SPACA7: variants seen among roughly 807,000 people sequenced by gnomAD.
SPACA7 encodes sperm acrosome associated 7, also known as sperm acrosome-associated protein 7.
Under a neutral mutation model 26.3 loss-of-function variants are expected in SPACA7, and 19 were observed. The observed-to-expected ratio is 0.72, with a 90% CI of 0.50 to 1.06. SPACA7 has a LOEUF of 1.06. Ranked by LOEUF, SPACA7 falls within the 50% of genes least tolerant of loss-of-function variation. SPACA7 has a pLI of 0.00. For missense variants in SPACA7, 211 were observed against 229.9 expected (o/e 0.92, Z 0.53); for synonymous variants, 84 against 84.5 (o/e 0.99, Z 0.04).
At chr13:112,423,658 T>C (rs1370657643) in intron 5 of SPACA7, among the ~76,000 whole-genome samples, 2 of 152,204 alleles carry the variant, frequency 1.3e-5, no homozygotes, top group African/African-American at 4.8e-5. Context: ...GGAATGATTA[T>C]CAAGGCTATC....
chr13:112,414,388 C>CTTTTTTTTTTTT lies in SPACA7; in HGVS notation c.445+13253_445+13264dup, dbSNP rs869183760. Among the ~76,000 whole-genome samples, 24 of 31,396 alleles carry CTTTTTTTTTTTT rather than the reference C, an allele frequency of 7.6e-4. 11 individuals are homozygous for CTTTTTTTTTTTT. The highest frequency in any genetic ancestry group is 9.9e-4 in the Non-Finnish European group (17 of 17,230). 20.6% of individuals were successfully genotyped at this position (31,396 alleles called of 152,430 possible). On this transcript the variant is annotated intron_variant, in intron 5 of 6. Transcript: ENST00000283550. ...AAGTTTCTGAATGGCTTTTCTGTGT[C>CTTTTTTTTTTTT]TTTTTTTTTTTTTTTTTTTTTTTTT...
intron 5 of SPACA7, among the ~76,000 whole-genome samples, chr13:112,422,465 A>G (rs1297186061): frequency 6.6e-6 from 1 of 152,238 alleles, no homozygotes; most frequent in Non-Finnish European, 1.5e-5. Context: ...ATAGAACACA[A>G]TCCACCCAGC....
chr13:112,417,577 C>T (rs983486790), intron 5 of SPACA7, among the ~76,000 whole-genome samples: 2 of 152,096 alleles, frequency 1.3e-5, no homozygotes, highest in Non-Finnish European at 2.9e-5. Flanking sequence ...AAGGAGCCTA[C>T]TCCTTATTTT....
At chr13:112,433,058 T>C (rs1877333183) in intron 6 of SPACA7, among the ~76,000 whole-genome samples, 1 of 152,106 alleles carries the variant, frequency 6.6e-6, no homozygotes, top group South Asian at 2.1e-4. Flanking sequence ...TCCTAGGAGC[T>C]TTCCAGAACA....
Position 112,432,429 on chromosome 13 carries a change from T to G in SPACA7, c.446-15T>G. ...TTACAAAGAGTGATCATTGTACTTATTGTTTTCCCCACAGAAAAGAATTCA... is the reference window on the plus strand; with the variant it reads ...TTACAAAGAGTGATCATTGTACTTAGTGTTTTCCCCACAGAAAAGAATTCA... On this transcript the variant is annotated splice_polypyrimidine_tract_variant and intron_variant, in intron 5 of 6. Coordinates refer to ENST00000283550, the MANE Select transcript of SPACA7 (RefSeq NM_145248.5). 2 of 1,584,164 alleles carry G rather than the reference T, an allele frequency of 1.3e-6. No individual in the cohort carries two copies. Among genetic ancestry groups the G allele is most frequent in the South Asian group, 2.2e-5 (2 of 90,426 alleles).
rs1005531937 is a variant in SPACA7, at chr13:112,433,596, G to A, written c.524-889G>A. The stretch of plus-strand genomic sequence containing the variant: ...CCAGCTCGTCCTTTGTTAAAATGCC[G>A]AAGAGGACGGTCCCGGGAAACGTCG... On this transcript the variant is annotated intron_variant, in intron 6 of 6. Coordinates refer to ENST00000283550, the MANE Select transcript of SPACA7 (RefSeq NM_145248.5). Among the ~76,000 whole-genome samples, 6 of 150,922 alleles carry A rather than the reference G, an allele frequency of 4.0e-5. No homozygotes were observed. The East Asian group carries it at 7.8e-4, about 20-fold the overall frequency.
At chr13:112,383,194 A>G (rs11617546) in intron 1 of SPACA7, among the ~76,000 whole-genome samples, 2 of 136,906 alleles carry the variant, frequency 1.5e-5, no homozygotes, top group African/African-American at 3.0e-5. Context: ...AGAAAGAAAG[A>G]AAAGAAAGAA....
rs533563832 is a variant in SPACA7, at chr13:112,432,215, C to T, written c.446-229C>T. Among the ~76,000 whole-genome samples, 5 of 152,324 alleles carry T rather than the reference C, an allele frequency of 3.3e-5. No homozygotes were observed. The South Asian group carries it at 6.2e-4, about 19-fold the overall frequency. ...GAAAGCACAAAGATGTAGGACTCCA[C>T]GCATTGCTTCGGCACCAAGCCACAC... On this transcript the variant is annotated intron_variant, in intron 5 of 6. Coordinates refer to ENST00000283550, the MANE Select transcript of SPACA7 (RefSeq NM_145248.5).
chr13:112,395,423 G>A (rs1194016980), intron 2 of SPACA7, among the ~76,000 whole-genome samples: 1 of 152,216 alleles, frequency 6.6e-6, no homozygotes, highest in Non-Finnish European at 1.5e-5. Flanking sequence ...TGCGGAGCAG[G>A]CCAGCCCCCC....
chr13:112,388,332 AACAG>A (rs1211224078), intron 1 of SPACA7, among the ~76,000 whole-genome samples: 2 of 152,180 alleles, frequency 1.3e-5, no homozygotes, highest in African/African-American at 4.8e-5. Context: ...CGAGGAGCCA[AACAG>A]ACACACTACA....
chr13:112,418,089 A>C (rs1326556151), intron 5 of SPACA7, among the ~76,000 whole-genome samples: 1 of 152,202 alleles, frequency 6.6e-6, no homozygotes, highest in East Asian at 1.9e-4. Flanking sequence ...TAGAAGATTC[A>C]ATTTACTTAT....
At chr13:112,412,340 T>C (rs1886404232) in intron 5 of SPACA7, among the ~76,000 whole-genome samples, 1 of 152,168 alleles carries the variant, frequency 6.6e-6, no homozygotes, top group Non-Finnish European at 1.5e-5. Context: ...CCTTATATAT[T>C]CTGATATTCT....
intron 5 of SPACA7, among the ~76,000 whole-genome samples, chr13:112,417,017 T>A (rs1448832696): frequency 6.6e-6 from 1 of 152,206 alleles, no homozygotes; most frequent in African/African-American, 2.4e-5. Context: ...TTATACTTTT[T>A]TTTTTCATTA....
intron 1 of SPACA7, among the ~76,000 whole-genome samples, chr13:112,381,210 T>C (rs1884037419): frequency 6.6e-6 from 1 of 151,978 alleles, no homozygotes; most frequent in Non-Finnish European, 1.5e-5. Context: ...CAAACACAGG[T>C]TGGGTGCAGT....
Position 112,395,945 on chromosome 13 carries a change from G to A in SPACA7, c.152-2104G>A, listed in dbSNP as rs537478522. ...TTTTCTAGCCCTGACCAATCTCCCCGAGGGTAGGGAGGCCCGTGGAAGGGT... is the reference window on the plus strand; with the variant it reads ...TTTTCTAGCCCTGACCAATCTCCCCAAGGGTAGGGAGGCCCGTGGAAGGGT... On this transcript the variant is annotated intron_variant, in intron 2 of 6. Coordinates refer to ENST00000283550, the MANE Select transcript of SPACA7 (RefSeq NM_145248.5). Among the ~76,000 whole-genome samples, 14 of 152,040 alleles carry A rather than the reference G, an allele frequency of 9.2e-5. No homozygotes were observed. In the East Asian group the frequency reaches 1.4e-3, roughly 15 times the overall value.
Position 112,401,148 on chromosome 13 carries a change from G to A in SPACA7, c.429G>A (p.Lys143=), listed in dbSNP as rs777225798. ...RGPQVSPGSE[K]SVSSKEKNSK... ...CACAGGTGTCTCCTGGCAGTGAGAA[G>A]AGTGTTTCCAGTAAAGGTAAATGTG... Residue 143 remains lysine (K), a synonymous_variant, in exon 5 of 7, where the codon AAG becomes AAA. Coordinates refer to ENST00000283550, the MANE Select transcript of SPACA7 (RefSeq NM_145248.5). 3.1e-6 allele frequency: 5 copies of A among 1,613,986 alleles called. No homozygotes were observed. The highest frequency in any genetic ancestry group is 3.3e-5 in the Admixed American group (2 of 60,018).
At chr13:112,433,853 G>T (rs1450122808) in intron 6 of SPACA7, among the ~76,000 whole-genome samples, 1 of 152,128 alleles carries the variant, frequency 6.6e-6, no homozygotes, top group Non-Finnish European at 1.5e-5. Flanking sequence ...CAATATCCCA[G>T]ATTGTGCCAC....
chr13:112,429,470 CTTTCT>C (rs1434793051), intron 5 of SPACA7, among the ~76,000 whole-genome samples: 1 of 151,168 alleles, frequency 6.6e-6, no homozygotes, highest in African/African-American at 2.4e-5. Flanking sequence ...ACTATTTTAC[CTTTCT>C]TTTGATTGGT....
chr13:112,378,660 G>T (rs1465754861), intron 1 of SPACA7: 1 of 471,100 alleles, frequency 2.1e-6, no homozygotes, highest in South Asian at 1.5e-5. Flanking sequence ...GGTTCCCAAA[G>T]TTCCTGGATC....
Sources: allele counts gnomAD v4.1 joint callset (sites outside exome capture counted in the v4.1 genomes callset), GRCh38; gene constraint gnomAD v4.1.1; transcripts MANE v1.5; gene names NCBI Gene and HGNC (gene_info 2026-07-23, HGNC 2026-07-21).